The following EFCAB6 variants were observed in gnomAD, a reference collection of about 807,000 sequenced individuals.
EFCAB6 encodes the protein EF-hand calcium binding domain 6, also known as EF-hand calcium-binding domain-containing protein 6.
Under a neutral mutation model 169.8 loss-of-function variants are expected in EFCAB6, and 156 were observed. The observed-to-expected ratio is 0.92, with a 90% CI of 0.81 to 1.05. EFCAB6 has a LOEUF of 1.05. Among genes scored for constraint, EFCAB6 ranks in the 50% least tolerant of loss-of-function variants. EFCAB6 has a pLI of 0.00. For missense variants in EFCAB6, 1,800 were observed against 1,829.1 expected (o/e 0.98, Z 0.29); for synonymous variants, 698 against 676.4 (o/e 1.03, Z -0.50).
chr22:43,749,611 C>G (rs1350984887), intron 6 of EFCAB6, among the ~76,000 whole-genome samples: 1 of 152,174 alleles, frequency 6.6e-6, no homozygotes, highest in Non-Finnish European at 1.5e-5. Flanking sequence ...CGCTGCTGAT[C>G]TGACAGGAGG....
At chr22:43,734,391 A>C (rs2060060324) in intron 7 of EFCAB6, among the ~76,000 whole-genome samples, 1 of 152,234 alleles carries the variant, frequency 6.6e-6, no homozygotes, top group Non-Finnish European at 1.5e-5. Flanking sequence ...CTCAAGCCTT[A>C]TCATGAAAAT....
chr22:43,606,574 T>G (rs9626146), intron 22 of EFCAB6, among the ~76,000 whole-genome samples: 7,219 of 152,262 alleles, frequency 0.047, 599 homozygotes, highest in African/African-American at 0.16. Flanking sequence ...GAGGAGTATA[T>G]GGCACAGAGA....
intron 13 of EFCAB6, among the ~76,000 whole-genome samples, chr22:43,674,671 G>A (rs895230766): frequency 1.3e-5 from 2 of 152,196 alleles, no homozygotes; most frequent in African/African-American, 2.4e-5. Flanking sequence ...GATTGCTTAC[G>A]TGTCTACGTT....
At chr22:43,573,102 C>T (rs907134245) in intron 26 of EFCAB6, among the ~76,000 whole-genome samples, 12 of 152,074 alleles carry the variant, frequency 7.9e-5, no homozygotes, top group East Asian at 3.9e-4. Context: ...ATCAGCACAT[C>T]GGGGAATAAC....
At chr22:43,548,461 A>G (rs1222000197) in intron 27 of EFCAB6, among the ~76,000 whole-genome samples, 2 of 137,346 alleles carry the variant, frequency 1.5e-5, no homozygotes, top group Non-Finnish European at 3.0e-5. Context: ...AATTGCTTGA[A>G]CCCAGGAGGT....
At chr22:43,798,156 C>G (rs1001383723) in intron 2 of EFCAB6, among the ~76,000 whole-genome samples, 1 of 152,022 alleles carries the variant, frequency 6.6e-6, no homozygotes, top group Non-Finnish European at 1.5e-5. Context: ...GAGGCCAAGA[C>G]AGGTGAATCA....
In EFCAB6 at chr22:43,628,417, C is replaced by T. The variant is rs2054677429; in HGVS notation, c.2233-1738G>A. Among the ~76,000 whole-genome samples the T allele has an allele frequency of 6.6e-6, 1 of 152,178 alleles. No individual in the cohort carries two copies. Among genetic ancestry groups the T allele is most frequent in the Non-Finnish European group, 1.5e-5 (1 of 68,038 alleles). On this transcript the variant is annotated intron_variant, in intron 19 of 31. Coordinates refer to ENST00000262726, the MANE Select transcript of EFCAB6 (RefSeq NM_022785.4). This position sits in a 1 kb window ranked among gnomAD's most constrained non-coding sequence, Gnocchi z 4.8. ...CAAGGTCGCTGGAGTCCTGCAGGAA[C>T]CTCGTGATGGCTCCCAGCTGCCATC...
At chr22:43,797,741 G>C (rs911383149) in intron 2 of EFCAB6, among the ~76,000 whole-genome samples, 8 of 151,820 alleles carry the variant, frequency 5.3e-5, no homozygotes, top group African/African-American at 1.9e-4. Context: ...TTGCCTCCTA[G>C]TGCTATTAGA....
At chr22:43,682,305 C>A (rs907212276) in intron 12 of EFCAB6, among the ~76,000 whole-genome samples, 2 of 152,192 alleles carry the variant, frequency 1.3e-5, no homozygotes, top group Admixed American at 1.3e-4. Flanking sequence ...GTGCCCAGCA[C>A]GGGGGCCCAG....
intron 10 of EFCAB6, among the ~76,000 whole-genome samples, chr22:43,708,399 A>T (rs1424329247): frequency 6.6e-6 from 1 of 152,138 alleles, no homozygotes; most frequent in Non-Finnish European, 1.5e-5. Flanking sequence ...TCTGTCTCAA[A>T]AAAAAAGGAA....
At chr22:43,759,771 G>A (rs2061087944) in intron 5 of EFCAB6, 1 of 152,074 alleles carries the variant, frequency 6.6e-6, no homozygotes, top group Non-Finnish European at 1.5e-5. Context: ...AACTACTATC[G>A]GATATTCAGA....
intron 10 of EFCAB6, among the ~76,000 whole-genome samples, chr22:43,708,207 G>A (rs2059027373): frequency 6.6e-6 from 1 of 151,986 alleles, no homozygotes; most frequent in Non-Finnish European, 1.5e-5. Flanking sequence ...AGGAGTTTGA[G>A]ACCAGCCTGG....
chr22:43,677,920 T>C, intron 13 of EFCAB6, 76 bp downstream of exon 13: 1 of 1,422,684 alleles, frequency 7.0e-7, no homozygotes, highest in East Asian at 2.3e-5. Context: ...CATATTTCAC[T>C]TGCATCTCTT....
intron 8 of EFCAB6, among the ~76,000 whole-genome samples, chr22:43,729,162 C>G (rs1262180872): frequency 1.3e-5 from 2 of 152,206 alleles, no homozygotes; most frequent in Admixed American, 6.5e-5. Context: ...AGAACCCACT[C>G]ATTACCATGG....
At chr22:43,784,017 C>T (rs544544967) in intron 2 of EFCAB6, among the ~76,000 whole-genome samples, 1 of 152,166 alleles carries the variant, frequency 6.6e-6, no homozygotes, top group East Asian at 1.9e-4. Flanking sequence ...TACAGTGAGC[C>T]GTGATTACGC....
chr22:43,597,805 T>C (rs746204276), intron 23 of EFCAB6, among the ~76,000 whole-genome samples: 1 of 152,156 alleles, frequency 6.6e-6, no homozygotes, highest in Non-Finnish European at 1.5e-5. Flanking sequence ...CTGCTCACAA[T>C]AGCCAAGATA....
Position 43,580,719 on chromosome 22 carries a change from C to T in EFCAB6, c.3033-60G>A, listed in dbSNP as rs557758811. On this transcript the variant is annotated intron_variant, in intron 24 of 31. Transcript: ENST00000262726. Reference sequence around the variant, plus strand: ...TTAAAAAGCCACCCTACTGCTTATTCATTCAACAGTTGCTGAGCACATTGG... The same window carrying T: ...TTAAAAAGCCACCCTACTGCTTATTTATTCAACAGTTGCTGAGCACATTGG... The T allele has an allele frequency of 1.4e-5, 22 of 1,557,280 alleles. No homozygotes were observed. The African/African-American group carries it at 2.5e-4, about 17-fold the overall frequency.
At chr22:43,684,244 T>A (rs2058108543) in intron 11 of EFCAB6, among the ~76,000 whole-genome samples, 1 of 152,210 alleles carries the variant, frequency 6.6e-6, no homozygotes, top group African/African-American at 2.4e-5. Context: ...ATCCACATGA[T>A]AACTGAGGGC....
chr22:43,544,387 T>C (rs1036176127), intron 27 of EFCAB6, among the ~76,000 whole-genome samples: 15 of 152,232 alleles, frequency 9.9e-5, no homozygotes, highest in African/African-American at 2.9e-4. Flanking sequence ...GTCTGCCTTC[T>C]TGAACTACAG....
Sources: gnomAD v4.1 joint callset for allele counts (sites outside exome capture counted in the v4.1 genomes callset) on GRCh38, gnomAD v4.1.1 for gene constraint, Gnocchi (gnomAD v3.1) non-coding constraint, MANE v1.5 for transcripts, NCBI Gene and HGNC (gene_info 2026-07-23, HGNC 2026-07-21) for gene names.